The following KCNMB2 variants were observed in gnomAD, a reference collection of about 807,000 sequenced individuals.
KCNMB2 encodes the protein potassium calcium-activated channel subfamily M regulatory beta subunit 2.
A neutral mutation model predicts 24.5 loss-of-function variants in KCNMB2; 9 were observed. The observed-to-expected ratio is 0.37, with a 90% CI of 0.22 to 0.64. KCNMB2 has a LOEUF of 0.64. KCNMB2 is among the 30% of genes least tolerant of loss of function. The pLI, the probability that KCNMB2 is intolerant of heterozygous loss-of-function variation, is 0.63. For missense variants in KCNMB2, 226 were observed against 284.3 expected (o/e 0.79, Z 1.47); for synonymous variants, 109 against 104.4 (o/e 1.04, Z -0.27).
intron 1 of KCNMB2, among the ~76,000 whole-genome samples, chr3:178,755,717 C>T (rs73051662): frequency 0.028 from 4,232 of 152,144 alleles, 211 homozygotes; most frequent in African/African-American, 0.096. Flanking sequence ...AAAAAACTTT[C>T]GGCTATTGGA....
chr3:178,582,292 C>T (rs529717367), intron 1 of KCNMB2, among the ~76,000 whole-genome samples: 1 of 152,252 alleles, frequency 6.6e-6, no homozygotes, highest in African/African-American at 2.4e-5. Flanking sequence ...TGTTCTCACT[C>T]ATATGTGGGA....
At chr3:178,674,175 A>C (rs185572306) in intron 1 of KCNMB2, among the ~76,000 whole-genome samples, 19 of 148,702 alleles carry the variant, frequency 1.3e-4, no homozygotes, top group Admixed American at 1.1e-3. Context: ...TTTACTCCTC[A>C]TCTCTTCTAC....
chr3:178,733,266 A>T (rs923664998), intron 1 of KCNMB2, among the ~76,000 whole-genome samples: 1 of 152,128 alleles, frequency 6.6e-6, no homozygotes, highest in African/African-American at 2.4e-5. Flanking sequence ...GAGGCAGGAC[A>T]TCACTGATAT....
intron 1 of KCNMB2, among the ~76,000 whole-genome samples, chr3:178,591,947 G>T (rs1166911375): frequency 6.6e-6 from 1 of 152,032 alleles, no homozygotes; most frequent in African/African-American, 2.4e-5. Flanking sequence ...TTTGAAAACA[G>T]TATTCTGCCA....
intron 1 of KCNMB2, among the ~76,000 whole-genome samples, chr3:178,558,266 A>G (rs1199425088): frequency 6.6e-6 from 1 of 152,202 alleles, no homozygotes. Context: ...TTGAAATCCA[A>G]TGAAAGGCAA....
intron 1 of KCNMB2, among the ~76,000 whole-genome samples, chr3:178,646,158 G>A (rs1289155829): frequency 2.0e-5 from 3 of 152,090 alleles, no homozygotes; most frequent in South Asian, 2.1e-4. Context: ...TATTTCCTGA[G>A]GCTATCTGTG....
chr3:178,742,618 T>C (rs559201094), intron 1 of KCNMB2, among the ~76,000 whole-genome samples: 1 of 152,252 alleles, frequency 6.6e-6, no homozygotes, highest in Admixed American at 6.5e-5. Flanking sequence ...AACACCTCAG[T>C]TGAAACCTGA....
intron 1 of KCNMB2, among the ~76,000 whole-genome samples, chr3:178,703,688 A>G (rs1209455042): frequency 6.6e-6 from 1 of 152,238 alleles, no homozygotes; most frequent in African/African-American, 2.4e-5. Flanking sequence ...AAACTTTGAG[A>G]GTCACATGAA....
At chr3:178,541,041 G>C (rs887072098) in intron 1 of KCNMB2, among the ~76,000 whole-genome samples, 1 of 152,176 alleles carries the variant, frequency 6.6e-6, no homozygotes, top group Non-Finnish European at 1.5e-5. Flanking sequence ...AGTAGCATTA[G>C]ATTCCAAGTA....
intron 1 of KCNMB2, among the ~76,000 whole-genome samples, chr3:178,754,643 C>A (rs929777392): frequency 6.6e-6 from 1 of 152,114 alleles, no homozygotes; most frequent in Admixed American, 6.6e-5. Flanking sequence ...TTATGTCATG[C>A]GCCCCCACAA....
chr3:178,701,679 A>C (rs1166453472), intron 1 of KCNMB2, among the ~76,000 whole-genome samples: 2 of 152,210 alleles, frequency 1.3e-5, no homozygotes, highest in African/African-American at 4.8e-5. Flanking sequence ...GCTCATCATC[A>C]CTGGCCATCA....
intron 1 of KCNMB2, among the ~76,000 whole-genome samples, chr3:178,793,249 CACTTTCAGCTATGG>C (rs1323348778): frequency 6.6e-6 from 1 of 152,190 alleles, no homozygotes; most frequent in Non-Finnish European, 1.5e-5. Context: ...TCCTCATTAA[CACTTTCAGCTATGG>C]AATTGCAGAC....
rs78856249 is a variant in KCNMB2 at position 178,813,601 on chromosome 3, C to A, written c.56+6136C>A. 5.9e-5 allele frequency among the ~76,000 whole-genome samples: 9 copies of A among 152,038 alleles called. No individual in the cohort carries two copies. The East Asian group carries it at 1.7e-3, about 29-fold the overall frequency. On this transcript the variant is annotated intron_variant, in intron 2 of 4. Transcript: ENST00000452583. ...TTGTTTCCAATCCTTACGGTTTTTTCTCATGTGTTACACTCTTACTCTATT... is the reference window on the plus strand; with the variant it reads ...TTGTTTCCAATCCTTACGGTTTTTTATCATGTGTTACACTCTTACTCTATT...
chr3:178,664,729 GAGA>G (rs1440625382), intron 1 of KCNMB2, among the ~76,000 whole-genome samples: 7 of 152,048 alleles, frequency 4.6e-5, no homozygotes, highest in Non-Finnish European at 1.0e-4. Context: ...AAGGAAGGGA[GAGA>G]AGGAGGGAGG....
chr3:178,647,112 G>C (rs968640623), intron 1 of KCNMB2, among the ~76,000 whole-genome samples: 8 of 152,160 alleles, frequency 5.3e-5, no homozygotes, highest in African/African-American at 1.9e-4. Context: ...CTTGCCTGCT[G>C]CTGGACCTCT....
intron 1 of KCNMB2, among the ~76,000 whole-genome samples, chr3:178,714,290 TA>T (rs1722548198): frequency 6.6e-6 from 1 of 152,196 alleles, no homozygotes; most frequent in Non-Finnish European, 1.5e-5. Flanking sequence ...ATGCTAGACA[TA>T]AGCTACACTT....
chr3:178,716,484 C>T (rs1287207867), intron 1 of KCNMB2, among the ~76,000 whole-genome samples: 1 of 148,424 alleles, frequency 6.7e-6, no homozygotes, highest in African/African-American at 2.5e-5. Flanking sequence ...TGCTCTGTTG[C>T]CCAGGCTGGA....
At chr3:178,680,417 G>A (rs538347874) in intron 1 of KCNMB2, among the ~76,000 whole-genome samples, 2 of 152,120 alleles carry the variant, frequency 1.3e-5, no homozygotes, top group Non-Finnish European at 2.9e-5. Context: ...TCACTCACCT[G>A]GGCTATTCTT....
intron 1 of KCNMB2, among the ~76,000 whole-genome samples, chr3:178,641,258 T>TG (rs1719717440): frequency 6.6e-6 from 1 of 152,192 alleles, no homozygotes; most frequent in Non-Finnish European, 1.5e-5. Flanking sequence ...ACTGATATTG[T>TG]GTTAACTTTA....
Sources: allele counts gnomAD v4.1 joint callset (sites outside exome capture counted in the v4.1 genomes callset), GRCh38; gene constraint gnomAD v4.1.1; transcripts MANE v1.5; gene names NCBI Gene and HGNC (gene_info 2026-07-23, HGNC 2026-07-21).